RBFOX1: variants seen among roughly 807,000 people sequenced by gnomAD.
RBFOX1 encodes RNA binding protein fox-1 homolog 1.
RBFOX1 carries 8 observed loss-of-function variants against 57.7 expected under a neutral mutation model. That is an observed-to-expected ratio of 0.14 (90% CI 0.08 to 0.25). The LOEUF is 0.25. RBFOX1 is among the 10% of genes least tolerant of loss of function. The pLI is 1.00. For synonymous variants in RBFOX1, 326 were observed against 222.4 expected (o/e 1.47, Z -4.15); for missense variants, 611 against 548.5 (o/e 1.11, Z -1.14).
chr16:6,351,124 G>A (rs2086278808), intron 2 of RBFOX1, among the ~76,000 whole-genome samples: 1 of 152,018 alleles, frequency 6.6e-6, no homozygotes, highest in Admixed American at 6.6e-5. Flanking sequence ...AGACATAATG[G>A]AGTCCCTGTC....
intron 4 of RBFOX1, among the ~76,000 whole-genome samples, chr16:7,209,316 CAA>C (rs1342235180): frequency 6.6e-6 from 1 of 152,040 alleles, no homozygotes; most frequent in African/African-American, 2.4e-5. Context: ...GCGTAGGCGA[CAA>C]GAGCGAAACT....
intron 4 of RBFOX1, among the ~76,000 whole-genome samples, chr16:7,343,334 T>G (rs1244401709): frequency 6.6e-6 from 1 of 152,074 alleles, no homozygotes; most frequent in Non-Finnish European, 1.5e-5. Flanking sequence ...TATGGATCAG[T>G]GTCCAGGCAA....
chr16:6,616,245 C>A (rs1259687217), intron 2 of RBFOX1, among the ~76,000 whole-genome samples: 1 of 152,178 alleles, frequency 6.6e-6, no homozygotes. Context: ...TCATATTCTC[C>A]TGTCCTTTAA....
At chr16:5,421,309 C>G (rs1471290634) in intron 1 of RBFOX1, among the ~76,000 whole-genome samples, 4 of 152,156 alleles carry the variant, frequency 2.6e-5, no homozygotes, top group Non-Finnish European at 5.9e-5. Flanking sequence ...GCCCGGCTAT[C>G]ATCCACCTTC....
At chr16:5,705,577 G>A (rs1018813709) in intron 3 of RBFOX1, among the ~76,000 whole-genome samples, 1 of 152,082 alleles carries the variant, frequency 6.6e-6, no homozygotes, top group African/African-American at 2.4e-5. Flanking sequence ...TTGTTTTTTG[G>A]ACTAACAGCA....
intron 4 of RBFOX1, among the ~76,000 whole-genome samples, chr16:7,365,071 GTCTA>G (rs370750395): frequency 9.7e-4 from 147 of 152,100 alleles, no homozygotes; most frequent in African/African-American, 1.8e-3. Context: ...TCTATCATTC[GTCTA>G]TCTATCTATC....
intron 14 of RBFOX1, among the ~76,000 whole-genome samples, chr16:7,705,823 T>C (rs1437628017): frequency 3.3e-5 from 5 of 152,158 alleles, no homozygotes; most frequent in African/African-American, 4.8e-5. Context: ...AGTGTAGTCA[T>C]CATGTGCATG....
chr16:6,975,488 A>C (rs763717016), intron 3 of RBFOX1, among the ~76,000 whole-genome samples: 1 of 152,062 alleles, frequency 6.6e-6, no homozygotes, highest in Non-Finnish European at 1.5e-5. Flanking sequence ...GCTGGTCTCA[A>C]ACTCCTGACC....
chr16:5,340,043 G>T (rs1273829529), intron 1 of RBFOX1, among the ~76,000 whole-genome samples: 1 of 152,160 alleles, frequency 6.6e-6, no homozygotes, highest in African/African-American at 2.4e-5. Context: ...AGCAAAATCA[G>T]TATGGGCCAG....
At chr16:7,021,912 CTTTT>C (rs1187290786) in intron 3 of RBFOX1, among the ~76,000 whole-genome samples, 2 of 148,696 alleles carry the variant, frequency 1.3e-5, no homozygotes, top group Non-Finnish European at 3.0e-5. Context: ...TTCTTTCTTT[CTTTT>C]CTTTCTTTCT....
At chr16:7,292,237 T>TATATATC (rs1441059947) in intron 4 of RBFOX1, among the ~76,000 whole-genome samples, 1 of 99,038 alleles carries the variant, frequency 1.0e-5, no homozygotes, top group Non-Finnish European at 1.9e-5. Context: ...TAGAACGTAT[T>TATATATC]ATATATCATA....
chr16:7,287,085 C>T (rs1361398692), intron 4 of RBFOX1, among the ~76,000 whole-genome samples: 1 of 152,160 alleles, frequency 6.6e-6, no homozygotes, highest in Non-Finnish European at 1.5e-5. Flanking sequence ...GTTCCAAGAT[C>T]ATTATGGTCC....
At chr16:6,622,841 T>G (rs1329864861) in intron 2 of RBFOX1, among the ~76,000 whole-genome samples, 6 of 152,176 alleles carry the variant, frequency 3.9e-5, no homozygotes, top group East Asian at 3.9e-4. Flanking sequence ...ACAGAGCAAA[T>G]GTGAAATTTA....
chr16:6,014,460 A>G (rs1464432002), upstream of RBFOX1, among the ~76,000 whole-genome samples: 1 of 152,246 alleles, frequency 6.6e-6, no homozygotes, highest in Non-Finnish European at 1.5e-5. Context: ...GCTCATTCTC[A>G]GTATTAAATG....
intron 2 of RBFOX1, among the ~76,000 whole-genome samples, chr16:6,528,739 C>T (rs2096616081): frequency 6.6e-6 from 1 of 152,142 alleles, no homozygotes; most frequent in East Asian, 1.9e-4. Flanking sequence ...CTTCTTGGTT[C>T]AGGGGAGCTG....
chr16:7,273,249 CCTTCCTTCCTT>C (rs2095372221), intron 4 of RBFOX1, among the ~76,000 whole-genome samples: 4 of 141,008 alleles, frequency 2.8e-5, no homozygotes, highest in African/African-American at 1.1e-4. Context: ...TTCCTTCCTT[CCTTCCTTCCTT>C]CCTCCCTTTC....
chr16:7,053,983 C>T (rs1003349850), intron 4 of RBFOX1, among the ~76,000 whole-genome samples: 3 of 151,916 alleles, frequency 2.0e-5, no homozygotes, highest in African/African-American at 2.4e-5. Context: ...TTTTCCCTTC[C>T]CACGTGACTT....
At chr16:6,733,733 G>A (rs117197562) in intron 3 of RBFOX1, among the ~76,000 whole-genome samples, 2,320 of 151,900 alleles carry the variant, frequency 0.015, 154 homozygotes, top group Admixed American at 0.11. Context: ...ACTCCAGCCC[G>A]GGCGAAAGAG....
At chr16:5,729,071 G>A (rs537184132) in intron 3 of RBFOX1, among the ~76,000 whole-genome samples, 127 of 152,344 alleles carry the variant, frequency 8.3e-4, no homozygotes, top group African/African-American at 2.8e-3. Context: ...GGGCCAGGGA[G>A]GCAGTGATGT....
Sources: gnomAD v4.1 joint callset for allele counts (sites outside exome capture counted in the v4.1 genomes callset) on GRCh38, gnomAD v4.1.1 for gene constraint, MANE v1.5 for transcripts, NCBI Gene and HGNC (gene_info 2026-07-23, HGNC 2026-07-21) for gene names.